The following FOXP4 variants were observed in gnomAD, a reference collection of about 807,000 sequenced individuals.
FOXP4 encodes forkhead box protein P4.
In FOXP4, 25 loss-of-function variants were observed where a neutral mutation model predicts 82.6. The observed-to-expected ratio is 0.30, with a 90% CI of 0.22 to 0.42. FOXP4 has a LOEUF of 0.42. Ranked by LOEUF, FOXP4 falls within the 10% of genes least tolerant of loss-of-function variation. The pLI, the probability that FOXP4 is intolerant of heterozygous loss-of-function variation, is 1.00. For missense variants in FOXP4, 785 were observed against 900.9 expected (o/e 0.87, Z 1.65); for synonymous variants, 415 against 388.2 (o/e 1.07, Z -0.81).
intron 1 of FOXP4, among the ~76,000 whole-genome samples, 197 bp downstream of exon 1, chr6:41,547,064 C>A (rs1156449436): frequency 1.3e-5 from 2 of 151,730 alleles, no homozygotes; most frequent in East Asian, 1.9e-4. Context: ...CAGGGCCGGC[C>A]GTGGCGCACT....
intron 13 of FOXP4, 91 bp from the exon 14 acceptor site, chr6:41,594,779 T>G: frequency 6.4e-7 from 1 of 1,567,354 alleles, no homozygotes; most frequent in South Asian, 1.1e-5. Context: ...GGTGGGCCGC[T>G]GCTGCGTGGG....
intron 5 of FOXP4, among the ~76,000 whole-genome samples, chr6:41,585,828 C>T (rs916512990): frequency 2.6e-5 from 4 of 151,984 alleles, no homozygotes; most frequent in East Asian, 1.9e-4. Flanking sequence ...GCCTTGTGGT[C>T]GCACCATCTT....
intron 2 of FOXP4, among the ~76,000 whole-genome samples, chr6:41,575,318 T>TG (rs1765417040): frequency 6.6e-6 from 1 of 152,100 alleles, no homozygotes; most frequent in Admixed American, 6.5e-5. Flanking sequence ...CTGTGAGCCC[T>TG]GGGGGGGCAG....
At position 41,599,306 on chromosome 6, in the gene FOXP4, C is replaced by G. The variant is rs1277755084; in HGVS notation, c.*370C>G. 1 of 178,958 alleles carries G rather than the reference C, an allele frequency of 5.6e-6. No homozygotes were observed. Among genetic ancestry groups the G allele is most frequent in the South Asian group, 1.5e-4 (1 of 6,474 alleles). The allele number at this position is 178,958 out of a possible 1,614,324, so 11.1% of individuals were successfully genotyped here. A position where few individuals can be genotyped will look rare whatever the true frequency, so the allele number is the denominator to read the frequency against. Reference sequence around the variant, plus strand: ...ATGGAGACCCGCAGGCGGGGCTTAGCCACCCCTCAAACCCAGGGCCCCCTG... The same window carrying G: ...ATGGAGACCCGCAGGCGGGGCTTAGGCACCCCTCAAACCCAGGGCCCCCTG... On this transcript the variant is annotated 3_prime_UTR_variant, in exon 17 of 17. Transcript: ENST00000307972.
At chr6:41,578,859 C>A (rs1183619186) in intron 3 of FOXP4, among the ~76,000 whole-genome samples, 1 of 152,150 alleles carries the variant, frequency 6.6e-6, no homozygotes, top group Admixed American at 6.5e-5. Context: ...TCCATGCTCC[C>A]CCCACCCCTC....
Position 41,597,945 on chromosome 6 carries a change from G to A in FOXP4, c.1890G>A (p.Gln630=). 1.3e-6 allele frequency: 2 copies of A among 1,537,636 alleles called. No homozygotes were observed. The highest frequency in any genetic ancestry group is 1.7e-6 in the Non-Finnish European group (2 of 1,148,580). The change falls in exon 16 of 17, where the codon CAG becomes CAA. Residue 630 remains glutamine (Q), a synonymous_variant. Transcript: ENST00000307972. ...GCCCTCCTCGCCTCTCCCCGCCCCA[G>A]TACAGGTGAGCACACAGCACGGACC... is the stretch of plus-strand genomic sequence containing the variant. ...SSSPPRLSPP[Q]YSHQVQVKEE... is the part of the protein sequence containing the mutation.
chr6:41,597,055 C>T, intron 14 of FOXP4, 121 bp from the exon 15 acceptor site: 1 of 1,035,242 alleles, frequency 9.7e-7, no homozygotes, highest in Non-Finnish European at 1.5e-6. Flanking sequence ...TCCGCCCTGG[C>T]CTCCCGGAAT....
Position 41,591,644 on chromosome 6 carries a change from C to G in FOXP4, c.1536+322C>G, listed in dbSNP as rs1766518843. On this transcript the variant is annotated intron_variant, in intron 13 of 16. Transcript: ENST00000307972. This position sits in a 1 kb window ranked among gnomAD's most constrained non-coding sequence, Gnocchi z 4.2. ...CCTCTAGGAATTGCTAATGCCCAAG[C>G]TTGATACAGAAGCCTGGGCCGAATT... Among the ~76,000 whole-genome samples the G allele has an allele frequency of 6.6e-6, 1 of 151,052 alleles. No homozygotes were observed. Among genetic ancestry groups the G allele is most frequent in the Non-Finnish European group, 1.5e-5 (1 of 67,900 alleles).
At position 41,559,431 on chromosome 6, in the gene FOXP4, A is replaced by G. The variant is rs9381078; in HGVS notation, c.-16-6314A>G. Among the ~76,000 whole-genome samples, 152 of 152,352 alleles carry G rather than the reference A, an allele frequency of 1.0e-3. 2 individuals carry two copies. In the East Asian group the frequency reaches 0.028, roughly 28 times the overall value. ...CTCCTGGCCAACCACTGGAGGAGAGAGAAGCATGACTTTGTTCATGGCTAA... is the reference window on the plus strand; with the variant it reads ...CTCCTGGCCAACCACTGGAGGAGAGGGAAGCATGACTTTGTTCATGGCTAA... On this transcript the variant is annotated intron_variant, in intron 1 of 16. Coordinates refer to ENST00000307972, the MANE Select transcript of FOXP4 (RefSeq NM_001012426.2).
intron 16 of FOXP4, among the ~76,000 whole-genome samples, chr6:41,598,458 TC>T (rs754422186): frequency 6.6e-6 from 1 of 152,224 alleles, no homozygotes; most frequent in South Asian, 2.1e-4. Flanking sequence ...TTTCAGGTGA[TC>T]CACTGGCCTC....
chr6:41,549,861 C>T (rs1047808623), intron 1 of FOXP4, among the ~76,000 whole-genome samples: 1 of 152,202 alleles, frequency 6.6e-6, no homozygotes, highest in Admixed American at 6.5e-5. Context: ...TCCTACCCCA[C>T]TGCCTTGGCG....
rs753980 is a variant in FOXP4, at chr6:41,562,309, A to G, written c.-16-3436A>G. On this transcript the variant is annotated intron_variant, in intron 1 of 16. Coordinates refer to ENST00000307972, the MANE Select transcript of FOXP4 (RefSeq NM_001012426.2). ...GACCCTGGAGGGGGCAGAGCATGCC[A>G]CATGGGAATTAATGCCATTCACACA... is the stretch of plus-strand genomic sequence containing the variant. 2.2e-4 allele frequency among the ~76,000 whole-genome samples: 34 copies of G among 152,288 alleles called. 1 individual carries two copies. The South Asian group carries it at 2.7e-3, about 12-fold the overall frequency.
chr6:41,572,430 T>C (rs1765254908), intron 2 of FOXP4, among the ~76,000 whole-genome samples: 1 of 152,220 alleles, frequency 6.6e-6, no homozygotes, highest in Admixed American at 6.5e-5. Flanking sequence ...GAGTCCCCAG[T>C]ACTGAGGACA....
At chr6:41,547,260 C>G (rs1763689033) in intron 1 of FOXP4, among the ~76,000 whole-genome samples, 1 of 152,130 alleles carries the variant, frequency 6.6e-6, no homozygotes, top group Middle Eastern at 3.2e-3. Flanking sequence ...CGCCCCCTCC[C>G]CGCCGGGCCT....
chr6:41,554,792 G>A (rs1436235975), intron 1 of FOXP4, among the ~76,000 whole-genome samples: 2 of 151,966 alleles, frequency 1.3e-5, no homozygotes, highest in African/African-American at 2.4e-5. Context: ...CCCGGGAGGC[G>A]GAGGTTGCAG....
rs984929436 is a variant in FOXP4 at position 41,595,049 on chromosome 6, C to T, written c.1658+58C>T. On this transcript the variant is annotated intron_variant, in intron 14 of 16. Transcript: ENST00000307972. The stretch of plus-strand genomic sequence containing the variant: ...TGCCCAGGGGGCAGGAGCCAACTCA[C>T]CCCCACCCCCTACCTCTCCAGGGTA... The T allele has an allele frequency of 3.1e-6, 5 of 1,607,226 alleles. No homozygotes were observed. The African/African-American group carries it at 5.4e-5, about 17-fold the overall frequency.
In FOXP4 at chr6:41,562,096, G is replaced by A. The variant is rs74437143; in HGVS notation, c.-16-3649G>A. Reference sequence around the variant, plus strand: ...GGGAGCACACCGGTGCTGTCGCGGCGCCCTGTGGAGAGGTGGGCAGGAGAC... The same window carrying A: ...GGGAGCACACCGGTGCTGTCGCGGCACCCTGTGGAGAGGTGGGCAGGAGAC... On this transcript the variant is annotated intron_variant, in intron 1 of 16. Coordinates refer to ENST00000307972, the MANE Select transcript of FOXP4 (RefSeq NM_001012426.2). Among the ~76,000 whole-genome samples, 912 of 152,338 alleles carry A rather than the reference G, an allele frequency of 6.0e-3. 8 individuals are homozygous for A. The highest frequency in any genetic ancestry group is 0.021 in the African/African-American group (854 of 41,574).
chr6:41,573,156 A>G (rs773445287), intron 2 of FOXP4, among the ~76,000 whole-genome samples: 3 of 152,064 alleles, frequency 2.0e-5, no homozygotes, highest in Non-Finnish European at 4.4e-5. Flanking sequence ...TGGCACCCCA[A>G]CACAGATCTG....
rs1428350639 is a variant in FOXP4 at position 41,593,905 on chromosome 6, T to C, written c.1537-965T>C. On this transcript the variant is annotated intron_variant, in intron 13 of 16. Coordinates refer to ENST00000307972, the MANE Select transcript of FOXP4 (RefSeq NM_001012426.2). This position sits in a 1 kb window ranked among gnomAD's most constrained non-coding sequence, Gnocchi z 4.1. ...TAGAAATGTAAAGAGGAGACAAGGA[T>C]GGGGACGAGGCGGGGGAGGCTAAGG... Among the ~76,000 whole-genome samples the C allele has an allele frequency of 6.6e-6, 1 of 151,990 alleles. No homozygotes were observed. Among genetic ancestry groups the C allele is most frequent in the East Asian group, 1.9e-4 (1 of 5,166 alleles).
Sources: allele counts gnomAD v4.1 joint callset (sites outside exome capture counted in the v4.1 genomes callset), GRCh38; gene constraint gnomAD v4.1.1; non-coding constraint Gnocchi (gnomAD v3.1); transcripts MANE v1.5; gene names NCBI Gene and HGNC (gene_info 2026-07-23, HGNC 2026-07-21).